The following ONECUT2 variants were observed in gnomAD, a reference collection of about 807,000 sequenced individuals.
ONECUT2 encodes one cut domain family member 2.
In ONECUT2, 10 loss-of-function variants were observed where a neutral mutation model predicts 27.9. That is an observed-to-expected ratio of 0.36 (90% confidence interval 0.22 to 0.61). ONECUT2 has a LOEUF of 0.61. Among genes scored for constraint, ONECUT2 ranks in the 20% least tolerant of loss-of-function variants. The pLI, the probability that ONECUT2 is intolerant of heterozygous loss-of-function variation, is 0.73. For missense variants in ONECUT2, 686 were observed against 721.0 expected, an observed-to-expected ratio of 0.95 and a Z score of 0.56; for synonymous variants, 334 against 315.1, an observed-to-expected ratio of 1.06 and a Z score of -0.64.
chr18:57,458,548 G>T (rs1038221998), intron 1 of ONECUT2, among the ~76,000 whole-genome samples: 6 of 152,114 alleles, frequency 3.9e-5, no homozygotes, highest in African/African-American at 7.2e-5. Context: ...TATAAATGAG[G>T]TTCTTGCAAC....
chr18:57,474,580 A>G (rs924540796), intron 1 of ONECUT2, among the ~76,000 whole-genome samples: 1 of 152,172 alleles, frequency 6.6e-6, no homozygotes, highest in African/African-American at 2.4e-5. Context: ...GGTCTCTCTC[A>G]GGCTTATTTT....
At chr18:57,465,818 G>A (rs573420940) in intron 1 of ONECUT2, among the ~76,000 whole-genome samples, 1 of 152,246 alleles carries the variant, frequency 6.6e-6, no homozygotes, top group South Asian at 2.1e-4. Context: ...CATTCTCTAA[G>A]CCCTATACTA....
At chr18:57,455,659 C>A (rs1242274036) in intron 1 of ONECUT2, among the ~76,000 whole-genome samples, 3 of 152,290 alleles carry the variant, frequency 2.0e-5, no homozygotes, top group Non-Finnish European at 2.9e-5. Flanking sequence ...ACAGGAGCAT[C>A]TCGGGAAGCT....
intron 1 of ONECUT2, among the ~76,000 whole-genome samples, chr18:57,472,213 A>G (rs1438624255): frequency 1.3e-5 from 2 of 152,210 alleles, no homozygotes; most frequent in Non-Finnish European, 2.9e-5. Flanking sequence ...CTGGCTGTTC[A>G]AAAATGGGCA....
At chr18:57,467,388 C>T (rs141916820) in intron 1 of ONECUT2, among the ~76,000 whole-genome samples, 65 of 151,728 alleles carry the variant, frequency 4.3e-4, no homozygotes, top group African/African-American at 1.5e-3. Context: ...TTTCCTAAGA[C>T]AGAGCCTTGC....
chr18:57,445,262 T>C (rs567085142), intron 1 of ONECUT2, among the ~76,000 whole-genome samples: 2 of 152,304 alleles, frequency 1.3e-5, no homozygotes, highest in East Asian at 3.9e-4. Flanking sequence ...AACACTGAAG[T>C]CACTTGAAAA....
intron 1 of ONECUT2, among the ~76,000 whole-genome samples, chr18:57,447,981 G>T (rs540351623): frequency 6.6e-6 from 1 of 152,140 alleles, no homozygotes; most frequent in Non-Finnish European, 1.5e-5. Flanking sequence ...GCCACACAGT[G>T]GAGTCATATG....
At chr18:57,440,939 T>G (rs1453871949) in intron 1 of ONECUT2, among the ~76,000 whole-genome samples, 1 of 152,214 alleles carries the variant, frequency 6.6e-6, no homozygotes, top group African/African-American at 2.4e-5. Context: ...GCCTGCTAGC[T>G]GCTTGGATGA....
chr18:57,470,214 T>C (rs1322039746), intron 1 of ONECUT2, among the ~76,000 whole-genome samples: 3 of 152,318 alleles, frequency 2.0e-5, no homozygotes, highest in South Asian at 2.1e-4. Context: ...CCGTCCAAGA[T>C]GGCCTTGGCC....
chr18:57,445,023 C>CT (rs778055391), intron 1 of ONECUT2, among the ~76,000 whole-genome samples: 80 of 151,294 alleles, frequency 5.3e-4, no homozygotes, highest in South Asian at 1.5e-3. Context: ...CATTTGGCAT[C>CT]TTTTTTTTTA....
rs1156670662 is a variant in ONECUT2, at chr18:57,435,508, C to T, written c.-209C>T. Among the ~76,000 whole-genome samples the T allele has an allele frequency of 2.7e-5, 4 of 147,896 alleles. No homozygotes were observed. The highest frequency in any genetic ancestry group is 1.0e-4 in the African/African-American group (4 of 40,042). On this transcript the variant is annotated 5_prime_UTR_variant, in exon 1 of 2. Transcript: ENST00000491143. ...CCTCCCTCCCTCCCCGTCCCCTCCC[C>T]TCTCCCGCACGCACGCCCCGTCCGC... is the stretch of plus-strand genomic sequence containing the variant.
chr18:57,438,302 G>A (rs1049803904), intron 1 of ONECUT2, among the ~76,000 whole-genome samples: 1 of 152,256 alleles, frequency 6.6e-6, no homozygotes, highest in Non-Finnish European at 1.5e-5. Flanking sequence ...GACTTCCCAT[G>A]GATCGGGTGG....
chr18:57,466,628 G>A lies in ONECUT2; in HGVS notation c.1229-9809G>A, dbSNP rs541577583. Among the ~76,000 whole-genome samples the A allele has an allele frequency of 8.5e-5, 13 of 152,286 alleles. No homozygotes were observed. The East Asian group carries it at 2.5e-3, about 29-fold the overall frequency. On this transcript the variant is annotated intron_variant, in intron 1 of 1. Transcript: ENST00000491143. ...GGAATTGTGATTTCAAAGGCTGAGT[G>A]CCCCAAACTATTTATTCTAATAGGA...
At position 57,483,467 on chromosome 18, in the gene ONECUT2, T is replaced by C. The variant is rs1313015702; in HGVS notation, c.*6744T>C. 6.6e-6 allele frequency: 1 copy of C among 152,562 alleles called. No individual in the cohort carries two copies. Among genetic ancestry groups the C allele is most frequent in the African/African-American group, 2.4e-5 (1 of 41,452 alleles). 9.5% of individuals were successfully genotyped at this position (152,562 alleles called of 1,614,324 possible). On this transcript the variant is annotated 3_prime_UTR_variant, in exon 2 of 2. Coordinates refer to ENST00000491143, the MANE Select transcript of ONECUT2 (RefSeq NM_004852.3). ...TTGGGTTATGACCCAACAAGCTAAGTACCATTAATGTAATTAACTTATTTA... is the reference window on the plus strand; with the variant it reads ...TTGGGTTATGACCCAACAAGCTAAGCACCATTAATGTAATTAACTTATTTA...
intron 1 of ONECUT2, among the ~76,000 whole-genome samples, chr18:57,443,571 G>A (rs2144297296): frequency 6.6e-6 from 1 of 152,280 alleles, no homozygotes; most frequent in African/African-American, 2.4e-5. Flanking sequence ...TGTGCCTTTG[G>A]GGGAAAGGCT....
Position 57,476,755 on chromosome 18 carries a change from T to G in ONECUT2, c.*32T>G. On this transcript the variant is annotated 3_prime_UTR_variant, in exon 2 of 2. Coordinates refer to ENST00000491143, the MANE Select transcript of ONECUT2 (RefSeq NM_004852.3). ...GACTCTCACTTGGGCACAAGTCACC[T>G]CCAAATGAGGACAACAGATACCAAA... The G allele has an allele frequency of 6.2e-7, 1 of 1,607,004 alleles. No individual in the cohort carries two copies. The highest frequency in any genetic ancestry group is 1.1e-5 in the South Asian group (1 of 90,506).
rs1187360981 is a variant in ONECUT2 at position 57,480,059 on chromosome 18, TG to T, written c.*3340del. 1.3e-5 allele frequency: 2 copies of T among 152,276 alleles called. No individual in the cohort carries two copies. Among genetic ancestry groups the T allele is most frequent in the Non-Finnish European group, 2.9e-5 (2 of 68,072 alleles). The allele number at this position is 152,276 out of a possible 1,614,324, so 9.4% of individuals were successfully genotyped here. ...TGAAGAGAAAATATAAAGCAGGTTT[TG>T]GGGAGACTTCTGGAGTCCTGCCCCT... On this transcript the variant is annotated 3_prime_UTR_variant, in exon 2 of 2. Transcript: ENST00000491143.
chr18:57,440,470 C>A (rs894827128), intron 1 of ONECUT2, among the ~76,000 whole-genome samples: 4 of 152,248 alleles, frequency 2.6e-5, no homozygotes, highest in Admixed American at 2.6e-4. Flanking sequence ...GAGCCCGGAT[C>A]CCCCAGCGGC....
chr18:57,438,462 G>A (rs2050156266), intron 1 of ONECUT2, among the ~76,000 whole-genome samples: 2 of 152,320 alleles, frequency 1.3e-5, no homozygotes, highest in African/African-American at 4.8e-5. Flanking sequence ...TTCCACCCCC[G>A]ATCCCCCGGG....
Sources: allele counts gnomAD v4.1 joint callset (sites outside exome capture counted in the v4.1 genomes callset), GRCh38; gene constraint gnomAD v4.1.1; transcripts MANE v1.5; gene names NCBI Gene and HGNC (gene_info 2026-07-23, HGNC 2026-07-21).